The following TUSC3 variants were observed in gnomAD, a reference collection of about 807,000 sequenced individuals.
The protein encoded by TUSC3 is dolichyl-diphosphooligosaccharide--protein glycosyltransferase subunit TUSC3.
A neutral mutation model predicts 44.8 loss-of-function variants in TUSC3; 45 were observed. That is an observed-to-expected ratio of 1.00 (90% CI 0.79 to 1.29). The LOEUF is 1.29. TUSC3 is among the 50% of genes most tolerant of loss of function. TUSC3 has a pLI of 0.00. For synonymous variants in TUSC3, 212 were observed against 152.9 expected (o/e 1.39, Z -2.85); for missense variants, 519 against 437.9 (o/e 1.19, Z -1.65).
chr8:15,616,580 A>G (rs1804995951), intron 1 of TUSC3, among the ~76,000 whole-genome samples: 2 of 142,062 alleles, frequency 1.4e-5, no homozygotes, highest in African/African-American at 5.6e-5. Context: ...TCATCTTAAA[A>G]TAAAATTAAT....
At chr8:15,738,748 A>T (rs759844554) in intron 7 of TUSC3, among the ~76,000 whole-genome samples, 4 of 150,902 alleles carry the variant, frequency 2.7e-5, no homozygotes, top group Non-Finnish European at 4.4e-5. Flanking sequence ...CAGGTTTTAT[A>T]TATACTTTTA....
At chr8:15,810,447 G>A in the TUSC3 span, among the ~76,000 whole-genome samples, 5 of 152,062 alleles carry the variant, frequency 3.3e-5, no homozygotes, top group Admixed American at 6.6e-5. Flanking sequence ...AGAGCAGCCT[G>A]GGCAACATAG....
At chr8:15,822,259 A>G in the TUSC3 span, among the ~76,000 whole-genome samples, 1 of 152,198 alleles carries the variant, frequency 6.6e-6, no homozygotes, top group African/African-American at 2.4e-5. Context: ...ATTCAAGTGG[A>G]GAGATCAAAT....
At chr8:15,546,280 TTTTATG>T (rs1801860993) in intron 1 of TUSC3, among the ~76,000 whole-genome samples, 1 of 151,766 alleles carries the variant, frequency 6.6e-6, no homozygotes, top group African/African-American at 2.4e-5. Flanking sequence ...CTCATTGCTG[TTTTATG>T]GAAAACAAAT....
At chr8:15,839,081 G>A in the TUSC3 span, among the ~76,000 whole-genome samples, 1 of 152,120 alleles carries the variant, frequency 6.6e-6, no homozygotes, top group Non-Finnish European at 1.5e-5. Context: ...CACATCCCTT[G>A]TAAGTTGGAT....
At chr8:15,746,535 T>C (rs946321377) in intron 8 of TUSC3, among the ~76,000 whole-genome samples, 65 of 152,172 alleles carry the variant, frequency 4.3e-4, no homozygotes, top group African/African-American at 1.5e-3. Flanking sequence ...TTAATAATTA[T>C]TAACCCCTCC....
Position 15,540,492 on chromosome 8 carries a change from C to G in TUSC3, c.62C>G (p.Pro21Arg), listed in dbSNP as rs750727769. 1.2e-6 allele frequency: 2 copies of G among 1,608,576 alleles called. No homozygotes were observed. The highest frequency in any genetic ancestry group is 2.2e-5 in the South Asian group (2 of 90,504). Residue 21 changes from proline to arginine, a missense_variant, in exon 1 of 11, where the codon CCC becomes CGC. Coordinates refer to ENST00000503731, the MANE Select transcript of TUSC3 (RefSeq NM_006765.4). Reference sequence around the variant, plus strand: ...GCGGGGCGGCGGCTGCGGTACCTGCCCACCGGGAGCTTTCCCTTCCTTCTC... The same window carrying G: ...GCGGGGCGGCGGCTGCGGTACCTGCGCACCGGGAGCTTTCCCTTCCTTCTC... ...RQAGRRLRYL[P>R]TGSFPFLLLL... is the part of the protein sequence containing the mutation.
intron 5 of TUSC3, among the ~76,000 whole-genome samples, chr8:15,668,220 A>G (rs1482140989): frequency 5.9e-5 from 9 of 151,790 alleles, no homozygotes; most frequent in Non-Finnish European, 2.9e-5. Context: ...ATGAATAAAT[A>G]GGTTTAAGGA....
At chr8:15,529,448 G>T (rs1801422799) in intron 2 of TUSC3, among the ~76,000 whole-genome samples, 1 of 152,094 alleles carries the variant, frequency 6.6e-6, no homozygotes, top group South Asian at 2.1e-4. Flanking sequence ...TGATTACATA[G>T]ACATAGCAAT....
chr8:15,426,166 C>G (rs551455079), intron 1 of TUSC3, among the ~76,000 whole-genome samples: 1 of 152,164 alleles, frequency 6.6e-6, no homozygotes, highest in East Asian at 1.9e-4. Context: ...ATTTGTTATC[C>G]CATCATCACA....
chr8:15,465,392 G>T (rs1284559249), intron 1 of TUSC3, among the ~76,000 whole-genome samples: 1 of 152,126 alleles, frequency 6.6e-6, no homozygotes, highest in Non-Finnish European at 1.5e-5. Context: ...ACCACCAGCA[G>T]ATTTGTATTC....
chr8:15,516,821 A>C (rs559395036), intron 2 of TUSC3, among the ~76,000 whole-genome samples: 1 of 152,362 alleles, frequency 6.6e-6, no homozygotes, highest in Non-Finnish European at 1.5e-5. Flanking sequence ...ACTATCCATT[A>C]TAAAGATTAT....
chr8:15,642,097 T>C (rs1806398544), intron 2 of TUSC3, among the ~76,000 whole-genome samples: 3 of 152,184 alleles, frequency 2.0e-5, no homozygotes, highest in East Asian at 3.9e-4. Context: ...GTGTTTAGCA[T>C]AAGATATTCC....
At chr8:15,547,033 T>G (rs1801894483) in intron 1 of TUSC3, among the ~76,000 whole-genome samples, 1 of 151,684 alleles carries the variant, frequency 6.6e-6, no homozygotes, top group Non-Finnish European at 1.5e-5. Context: ...AGAAAAAAGT[T>G]AAAAATATAG....
chr8:15,578,597 G>T (rs1473319258), intron 1 of TUSC3, among the ~76,000 whole-genome samples: 140 of 148,334 alleles, frequency 9.4e-4, no homozygotes, highest in African/African-American at 3.4e-3. Flanking sequence ...CTTTGGCTCT[G>T]TTTATATGCT....
At chr8:15,483,615 A>C (rs1800693124) in intron 2 of TUSC3, 1 of 148,340 alleles carries the variant, frequency 6.7e-6, no homozygotes. Context: ...CTGGGATTAC[A>C]GGCGTGAGCC....
chr8:15,492,862 ATAT>A (rs1212827575), intron 2 of TUSC3, among the ~76,000 whole-genome samples: 7 of 152,286 alleles, frequency 4.6e-5, no homozygotes, highest in Admixed American at 4.6e-4. Flanking sequence ...AATATGCAAA[ATAT>A]TATAATTAGG....
intron 1 of TUSC3, among the ~76,000 whole-genome samples, chr8:15,550,993 A>T (rs1802043568): frequency 6.6e-6 from 1 of 151,768 alleles, no homozygotes; most frequent in Admixed American, 6.6e-5. Context: ...GGACCTTGTA[A>T]AAATTCTAGA....
intron 1 of TUSC3, among the ~76,000 whole-genome samples, chr8:15,603,343 A>G (rs939899880): frequency 1.3e-5 from 2 of 151,684 alleles, no homozygotes; most frequent in Admixed American, 6.6e-5. Flanking sequence ...CTGGCAACAG[A>G]ATGCAAAAAG....
Sources: gnomAD v4.1 joint callset for allele counts (sites outside exome capture counted in the v4.1 genomes callset) on GRCh38, gnomAD v4.1.1 for gene constraint, MANE v1.5 for transcripts, NCBI Gene and HGNC (gene_info 2026-07-23, HGNC 2026-07-21) for gene names.